Variants in EXOC6B observed in about 807,000 individuals in gnomAD.
EXOC6B encodes SEC15 homolog B.
EXOC6B carries 54 observed loss-of-function variants against 113.5 expected under a neutral mutation model. The ratio of observed to expected loss-of-function variants is 0.48; its 90% CI spans 0.38 to 0.60. The LOEUF (loss-of-function observed/expected upper bound fraction) is 0.60. Ranked by LOEUF, EXOC6B falls within the 20% of genes least tolerant of loss-of-function variation. The pLI is 0.00. For synonymous variants in EXOC6B, 357 were observed against 339.0 expected (o/e 1.05, Z -0.58); for missense variants, 797 against 977.5 (o/e 0.82, Z 2.46).
At chr2:72,784,219 A>T (rs752217269) in intron 1 of EXOC6B, among the ~76,000 whole-genome samples, 1 of 152,154 alleles carries the variant, frequency 6.6e-6, no homozygotes, top group African/African-American at 2.4e-5. Context: ...TTTTTATACC[A>T]ATACCATGCT....
rs1702427759 is a variant in EXOC6B, at chr2:72,538,534, T to C, written c.915+20919A>G. On this transcript the variant is annotated intron_variant, in intron 8 of 21. Coordinates refer to ENST00000272427, the MANE Select transcript of EXOC6B (RefSeq NM_015189.3). ...CATTCCTTTTTTGGCGATGAGTCTT[T>C]GGTGTGTATCTTACACTTAACAGCA... is the stretch of plus-strand genomic sequence containing the variant. Among the ~76,000 whole-genome samples the C allele has an allele frequency of 2.0e-5, 3 of 152,294 alleles. No homozygotes were observed. In the South Asian group the frequency reaches 6.2e-4, roughly 32 times the overall value.
intron 6 of EXOC6B, among the ~76,000 whole-genome samples, chr2:72,675,988 C>A (rs1191942260): frequency 4.0e-5 from 6 of 151,846 alleles, no homozygotes; most frequent in Non-Finnish European, 8.8e-5. Context: ...AAGACAAACA[C>A]ACAGACACCC....
intron 20 of EXOC6B, among the ~76,000 whole-genome samples, chr2:72,314,767 C>A (rs955777269): frequency 1.3e-5 from 2 of 152,178 alleles, no homozygotes; most frequent in African/African-American, 4.8e-5. Flanking sequence ...CTTTGTAGAA[C>A]AATTCATGCC....
intron 18 of EXOC6B, among the ~76,000 whole-genome samples, chr2:72,406,169 T>C (rs918466189): frequency 6.6e-6 from 1 of 152,154 alleles, no homozygotes; most frequent in African/African-American, 2.4e-5. Context: ...TAAATATATA[T>C]GCACCCAATA....
intron 18 of EXOC6B, among the ~76,000 whole-genome samples, chr2:72,399,165 C>T (rs776536957): frequency 6.6e-6 from 1 of 152,084 alleles, no homozygotes; most frequent in Non-Finnish European, 1.5e-5. Context: ...ATATGCAAAT[C>T]AGTAAATGTG....
chr2:72,206,021 T>C (rs1395337981), intron 20 of EXOC6B, among the ~76,000 whole-genome samples: 2 of 152,164 alleles, frequency 1.3e-5, no homozygotes, highest in Non-Finnish European at 2.9e-5. Context: ...GACGAGACTA[T>C]TGGGTAGAAA....
chr2:72,770,306 A>C (rs1399158855), intron 1 of EXOC6B, among the ~76,000 whole-genome samples: 1 of 136,030 alleles, frequency 7.4e-6, no homozygotes, highest in Non-Finnish European at 1.5e-5. Context: ...CTAGTCAACT[A>C]TCTTATACCA....
intron 19 of EXOC6B, among the ~76,000 whole-genome samples, chr2:72,366,690 A>G (rs1426847858): frequency 6.6e-6 from 1 of 152,132 alleles, no homozygotes; most frequent in African/African-American, 2.4e-5. Context: ...AAAGTAGAGA[A>G]AATGAGACAT....
At chr2:72,305,860 G>A (rs984099633) in intron 20 of EXOC6B, among the ~76,000 whole-genome samples, 2 of 152,138 alleles carry the variant, frequency 1.3e-5, no homozygotes, top group African/African-American at 4.8e-5. Context: ...GTGAACACTA[G>A]CTAATTAGAT....
At chr2:72,562,181 T>G (rs538011295) in intron 7 of EXOC6B, among the ~76,000 whole-genome samples, 1 of 151,842 alleles carries the variant, frequency 6.6e-6, no homozygotes, top group Non-Finnish European at 1.5e-5. Flanking sequence ...CTGCCACTAA[T>G]GAAAAAAAAT....
intron 11 of EXOC6B, among the ~76,000 whole-genome samples, chr2:72,508,238 A>T (rs1437706857): frequency 6.7e-6 from 1 of 149,442 alleles, no homozygotes; most frequent in African/African-American, 2.5e-5. Flanking sequence ...TTACCAAAAG[A>T]CATGAAAGGC....
chr2:72,565,353 A>AC (rs1240022809), intron 7 of EXOC6B, among the ~76,000 whole-genome samples: 1 of 149,530 alleles, frequency 6.7e-6, no homozygotes, highest in Non-Finnish European at 1.5e-5. Context: ...CCTGTCTAAA[A>AC]AAAAAAAAAA....
chr2:72,533,053 C>T (rs1046545043), intron 8 of EXOC6B, among the ~76,000 whole-genome samples: 4 of 152,060 alleles, frequency 2.6e-5, no homozygotes, highest in Non-Finnish European at 4.4e-5. Flanking sequence ...TGAAGGTCTC[C>T]CTTAAGAGGG....
At chr2:72,545,562 T>C (rs1702850293) in intron 8 of EXOC6B, among the ~76,000 whole-genome samples, 1 of 152,218 alleles carries the variant, frequency 6.6e-6, no homozygotes, top group African/African-American at 2.4e-5. Flanking sequence ...AGGAACTATT[T>C]CATAACACAA....
chr2:72,785,578 A>G (rs986978221), intron 1 of EXOC6B, among the ~76,000 whole-genome samples: 4 of 152,262 alleles, frequency 2.6e-5, no homozygotes, highest in African/African-American at 9.6e-5. Context: ...GGAAGCTGCC[A>G]AGGCTTGGGG....
At chr2:72,586,773 A>T (rs1705615010) in intron 6 of EXOC6B, among the ~76,000 whole-genome samples, 1 of 152,096 alleles carries the variant, frequency 6.6e-6, no homozygotes, top group Non-Finnish European at 1.5e-5. Context: ...AAATAAAAAA[A>T]AAAGAAGACA....
chr2:72,364,544 A>G (rs994313996), intron 19 of EXOC6B, among the ~76,000 whole-genome samples: 1 of 152,146 alleles, frequency 6.6e-6, no homozygotes, highest in African/African-American at 2.4e-5. Context: ...ATGGTTAACA[A>G]ACTCTGTTGT....
chr2:72,665,157 G>A (rs930078926), intron 6 of EXOC6B, among the ~76,000 whole-genome samples: 1 of 152,142 alleles, frequency 6.6e-6, no homozygotes, highest in African/African-American at 2.4e-5. Flanking sequence ...CCATGGCCCA[G>A]AACACCCAAC....
intron 18 of EXOC6B, among the ~76,000 whole-genome samples, chr2:72,411,959 G>T (rs538941158): frequency 6.6e-6 from 1 of 152,024 alleles, no homozygotes; most frequent in Admixed American, 6.5e-5. Context: ...TGAAAAACAA[G>T]ATAAAAGCAA....
Sources: allele counts gnomAD v4.1 joint callset (sites outside exome capture counted in the v4.1 genomes callset), GRCh38; gene constraint gnomAD v4.1.1; transcripts MANE v1.5; gene names NCBI Gene and HGNC (gene_info 2026-07-23, HGNC 2026-07-21).